Variants in MYT1L observed in about 807,000 individuals in gnomAD.
The protein encoded by MYT1L is myelin transcription factor 1-like protein.
MYT1L carries 12 observed loss-of-function variants against 126.7 expected under a neutral mutation model. The ratio of observed to expected loss-of-function variants is 0.09; its 90% CI spans 0.06 to 0.15. The LOEUF is 0.15. Ranked by LOEUF, MYT1L falls within the 10% of genes least tolerant of loss-of-function variation. MYT1L has a pLI of 1.00. For missense variants in MYT1L, 979 were observed against 1,585.2 expected, an observed-to-expected ratio of 0.62 and a Z score of 6.49; for synonymous variants, 541 against 604.2, an observed-to-expected ratio of 0.90 and a Z score of 1.53.
At chr2:1,940,892 T>C (rs984556351) in intron 9 of MYT1L, among the ~76,000 whole-genome samples, 1 of 152,274 alleles carries the variant, frequency 6.6e-6, no homozygotes, top group Non-Finnish European at 1.5e-5. Flanking sequence ...GCCGCAGAGT[T>C]AGAAATCCTG....
chr2:2,324,188 G>A (rs995500112), intron 1 of MYT1L: 1 of 152,202 alleles, frequency 6.6e-6, no homozygotes, highest in Non-Finnish European at 1.5e-5. Flanking sequence ...GGATATCAAA[G>A]AGCAGCCTCA....
chr2:2,171,278 T>C (rs1048337628), intron 3 of MYT1L, among the ~76,000 whole-genome samples: 1 of 152,222 alleles, frequency 6.6e-6, no homozygotes, highest in South Asian at 2.1e-4. Flanking sequence ...TGGATGTTGC[T>C]TGCAAAACCA....
intron 4 of MYT1L, among the ~76,000 whole-genome samples, chr2:2,022,079 G>C (rs2065093297): frequency 6.6e-6 from 1 of 152,162 alleles, no homozygotes; most frequent in African/African-American, 2.4e-5. Context: ...GTGTATGTCT[G>C]CTGCACTTCC....
intron 4 of MYT1L, among the ~76,000 whole-genome samples, chr2:2,006,986 A>G (rs1346502131): frequency 1.3e-5 from 2 of 151,986 alleles, no homozygotes; most frequent in Non-Finnish European, 2.9e-5. Context: ...GGGTATATCT[A>G]TATTGTGGCA....
At chr2:2,026,872 G>C (rs975788651) in intron 4 of MYT1L, among the ~76,000 whole-genome samples, 3 of 152,148 alleles carry the variant, frequency 2.0e-5, no homozygotes, top group Admixed American at 6.5e-5. Context: ...CTCTCCTCGG[G>C]AGTGGAAGGC....
intron 19 of MYT1L, chr2:1,842,131 G>C (rs913595104): frequency 2.6e-5 from 4 of 152,276 alleles, no homozygotes; most frequent in African/African-American, 9.6e-5. Context: ...CAGGTGGGAG[G>C]CCACTCTTCT....
intron 8 of MYT1L, among the ~76,000 whole-genome samples, chr2:1,959,574 C>T (rs2149376152): frequency 6.6e-6 from 1 of 152,312 alleles, no homozygotes; most frequent in African/African-American, 2.4e-5. Flanking sequence ...CACACCTCCT[C>T]CCAGTCAATT....
intron 3 of MYT1L, among the ~76,000 whole-genome samples, chr2:2,093,551 T>C (rs1478472271): frequency 2.6e-5 from 4 of 152,212 alleles, no homozygotes; most frequent in Admixed American, 1.3e-4. Context: ...GTTTTTTTCT[T>C]GTAAATTTGT....
intron 2 of MYT1L, among the ~76,000 whole-genome samples, chr2:2,183,485 A>G (rs1215679451): frequency 6.6e-6 from 1 of 152,200 alleles, no homozygotes; most frequent in Non-Finnish European, 1.5e-5. Context: ...GCAGTATAAA[A>G]GAAACATCCT....
chr2:2,101,257 C>T (rs190409503), intron 3 of MYT1L, among the ~76,000 whole-genome samples: 10 of 152,084 alleles, frequency 6.6e-5, no homozygotes, highest in Admixed American at 1.3e-4. Flanking sequence ...CAGATCTCAC[C>T]AGCACTAACT....
intron 8 of MYT1L, among the ~76,000 whole-genome samples, chr2:1,946,682 GA>G (rs1055129413): frequency 3.3e-5 from 5 of 151,866 alleles, no homozygotes; most frequent in African/African-American, 1.2e-4. Flanking sequence ...GATAATTCAA[GA>G]AAAAAAATTC....
At chr2:2,281,404 G>A (rs2095444689) in intron 2 of MYT1L, among the ~76,000 whole-genome samples, 1 of 152,180 alleles carries the variant, frequency 6.6e-6, no homozygotes. Context: ...ATAGTGTGGG[G>A]CAAATGACTT....
intron 21 of MYT1L, 70 bp from the exon 22 acceptor site, chr2:1,809,237 A>G: frequency 1.4e-6 from 2 of 1,434,264 alleles, no homozygotes; most frequent in South Asian, 2.3e-5. Context: ...AAGTGGTGGT[A>G]AGCAAGGCGT....
Position 2,224,418 on chromosome 2 carries a change from C to T in MYT1L, c.-420-51430G>A, listed in dbSNP as rs1003445610. Among the ~76,000 whole-genome samples, 8 of 152,154 alleles carry T rather than the reference C, an allele frequency of 5.3e-5. No individual in the cohort carries two copies. The highest frequency in any genetic ancestry group is 1.9e-4 in the African/African-American group (8 of 41,426). ...GACCGGAGAGCTGGCGAGGTGACAG[C>T]CATGCTGCTCTTTCTAATTGCAAAC... On this transcript the variant is annotated intron_variant, in intron 2 of 24. Transcript: ENST00000647738. The surrounding 1 kb of genome is among the most constrained non-coding windows in gnomAD (Gnocchi z 4.0).
intron 4 of MYT1L, among the ~76,000 whole-genome samples, chr2:2,047,209 A>G (rs2068290746): frequency 6.6e-6 from 1 of 152,336 alleles, no homozygotes; most frequent in East Asian, 1.9e-4. Flanking sequence ...TCATTTCTGC[A>G]GTATCTATGT....
intron 22 of MYT1L, among the ~76,000 whole-genome samples, chr2:1,802,185 G>A (rs540402271): frequency 6.6e-6 from 1 of 152,284 alleles, no homozygotes; most frequent in African/African-American, 2.4e-5. Context: ...CTCGCTGTCT[G>A]CATCAGTCAT....
chr2:2,085,887 C>T (rs1231133337), intron 3 of MYT1L, among the ~76,000 whole-genome samples: 1 of 152,228 alleles, frequency 6.6e-6, no homozygotes, highest in African/African-American at 2.4e-5. Context: ...AGACTCCCTC[C>T]TTTTCATGAA....
At chr2:1,945,283 C>A (rs542167675) in intron 8 of MYT1L, among the ~76,000 whole-genome samples, 2 of 152,112 alleles carry the variant, frequency 1.3e-5, no homozygotes, top group Admixed American at 1.3e-4. Flanking sequence ...TGGATAGGTG[C>A]GAAGCGGAGG....
In MYT1L at chr2:1,839,382, C is replaced by T. The variant is rs1166417510; in HGVS notation, c.2859-12G>A. Reference sequence around the variant, plus strand: ...CGGGGACCGGACACCTGTAGGCAGGCAGAGGTGACACACTTTATTGTCTGG... The same window carrying T: ...CGGGGACCGGACACCTGTAGGCAGGTAGAGGTGACACACTTTATTGTCTGG... On this transcript the variant is annotated splice_polypyrimidine_tract_variant and intron_variant, in intron 20 of 24. Coordinates refer to ENST00000647738, the MANE Select transcript of MYT1L (RefSeq NM_001303052.2). The T allele has an allele frequency of 6.2e-7, 1 of 1,607,866 alleles. No individual in the cohort carries two copies. The highest frequency in any genetic ancestry group is 1.3e-5 in the African/African-American group (1 of 74,854).
Sources: gnomAD v4.1 joint callset for allele counts (sites outside exome capture counted in the v4.1 genomes callset) on GRCh38, gnomAD v4.1.1 for gene constraint, Gnocchi (gnomAD v3.1) non-coding constraint, MANE v1.5 for transcripts, NCBI Gene and HGNC (gene_info 2026-07-23, HGNC 2026-07-21) for gene names.